RGS6: variants seen among roughly 807,000 people sequenced by gnomAD.
The protein encoded by RGS6 is regulator of G-protein signaling 6.
Under a neutral mutation model 78.5 loss-of-function variants are expected in RGS6, and 30 were observed. That is an observed-to-expected ratio of 0.38 (90% confidence interval 0.29 to 0.52). RGS6 has a LOEUF of 0.52. Ranked by LOEUF, RGS6 falls within the 20% of genes least tolerant of loss-of-function variation. RGS6 has a pLI of 0.85. For synonymous variants in RGS6, 206 were observed against 206.0 expected, an observed-to-expected ratio of 1.00 and a Z score of 0.00; for missense variants, 495 against 609.7, an observed-to-expected ratio of 0.81 and a Z score of 1.98.
chr14:72,200,150 G>A (rs746501670), intron 2 of RGS6, among the ~76,000 whole-genome samples: 3 of 152,286 alleles, frequency 2.0e-5, no homozygotes, highest in Admixed American at 2.0e-4. Flanking sequence ...GGAAGATTCC[G>A]TGATTTCTCT....
chr14:72,390,546 T>A (rs889971654), intron 3 of RGS6, among the ~76,000 whole-genome samples: 1 of 152,180 alleles, frequency 6.6e-6, no homozygotes, highest in Non-Finnish European at 1.5e-5. Context: ...AATTGTAAAT[T>A]TTAATTCTCA....
chr14:72,046,249 A>G (rs2153395912), intron 2 of RGS6, among the ~76,000 whole-genome samples: 1 of 146,710 alleles, frequency 6.8e-6, no homozygotes, highest in African/African-American at 2.5e-5. Context: ...TTTAATGTTG[A>G]AATTTCTGTT....
chr14:72,013,158 C>G (rs1477243043), intron 2 of RGS6, among the ~76,000 whole-genome samples: 1 of 149,802 alleles, frequency 6.7e-6, no homozygotes. Flanking sequence ...GTAATGCCAA[C>G]TACTCGGGAG....
chr14:72,536,173 C>T lies in RGS6; in HGVS notation c.1279-13C>T, dbSNP rs780202159. ...AGCCCTTCCTTGTGTCTCCTTGTCA[C>T]CTTCCTCCCCAGGAGCACATCTACA... On this transcript the variant is annotated splice_polypyrimidine_tract_variant and intron_variant, in intron 15 of 17. Coordinates refer to ENST00000553525, the MANE Select transcript of RGS6 (RefSeq NM_001204424.2). 3 of 1,605,780 alleles carry T rather than the reference C, an allele frequency of 1.9e-6. No homozygotes were observed. The African/African-American group carries it at 4.0e-5, about 21-fold the overall frequency.
intron 17 of RGS6, 67 bp downstream of exon 17, chr14:72,540,161 T>C (rs779716643): frequency 6.6e-7 from 1 of 1,517,208 alleles, no homozygotes; most frequent in Non-Finnish European, 8.8e-7. Context: ...CTTCTTCTTT[T>C]TTTTTTTTTT....
At chr14:72,210,476 CAT>C (rs896257653) in intron 2 of RGS6, among the ~76,000 whole-genome samples, 1 of 152,146 alleles carries the variant, frequency 6.6e-6, no homozygotes, top group Non-Finnish European at 1.5e-5. Flanking sequence ...GGTGAGAAGT[CAT>C]TGAGGAAAAT....
At chr14:71,980,835 T>C (rs2094412930) in intron 2 of RGS6, among the ~76,000 whole-genome samples, 1 of 97,906 alleles carries the variant, frequency 1.0e-5, no homozygotes, top group Non-Finnish European at 2.1e-5. Flanking sequence ...GAAGTTCTCC[T>C]GGATAATATC....
intron 2 of RGS6, among the ~76,000 whole-genome samples, chr14:72,013,480 A>G (rs541070432): frequency 7.9e-5 from 12 of 151,144 alleles, no homozygotes; most frequent in African/African-American, 3.0e-4. Flanking sequence ...GGAGTCCTTC[A>G]GTAGGCAGAT....
At chr14:72,057,872 A>T (rs2153428831) in intron 2 of RGS6, among the ~76,000 whole-genome samples, 1 of 152,270 alleles carries the variant, frequency 6.6e-6, no homozygotes, top group East Asian at 1.9e-4. Context: ...CTGGCTTGGC[A>T]ATCAATGCCG....
chr14:71,898,681 C>CCG, the RGS6 span, among the ~76,000 whole-genome samples: 2 of 152,072 alleles, frequency 1.3e-5, no homozygotes, highest in East Asian at 3.9e-4. Flanking sequence ...CCCACCCCCC[C>CCG]GACAGGCCCC....
intron 2 of RGS6, among the ~76,000 whole-genome samples, chr14:72,069,818 G>A (rs1027720748): frequency 3.3e-5 from 5 of 152,290 alleles, no homozygotes; most frequent in African/African-American, 1.2e-4. Context: ...GGGATTACAG[G>A]TGTGGGCCAC....
At chr14:72,325,630 T>C (rs2073528839) in intron 2 of RGS6, among the ~76,000 whole-genome samples, 1 of 152,178 alleles carries the variant, frequency 6.6e-6, no homozygotes, top group African/African-American at 2.4e-5. Flanking sequence ...CCATTTCTTA[T>C]TTTTGTCAGT....
At chr14:72,348,971 C>T (rs1176048806) in intron 2 of RGS6, among the ~76,000 whole-genome samples, 3 of 151,940 alleles carry the variant, frequency 2.0e-5, no homozygotes, top group East Asian at 1.9e-4. Context: ...TCGAGACCAT[C>T]CTGGCTAACA....
chr14:72,539,915 T>C, intron 16 of RGS6, 126 bp from the exon 17 acceptor site: 1 of 759,294 alleles, frequency 1.3e-6, no homozygotes, highest in Non-Finnish European at 2.1e-6. Flanking sequence ...TTCCCATTTT[T>C]CGCCCCATTT....
intron 2 of RGS6, among the ~76,000 whole-genome samples, chr14:72,081,384 G>C (rs997980632): frequency 2.6e-5 from 4 of 151,950 alleles, no homozygotes; most frequent in Admixed American, 2.0e-4. Flanking sequence ...GATCTTTTCT[G>C]TTTACTTTTT....
chr14:72,200,958 G>C (rs1386197554), intron 2 of RGS6, among the ~76,000 whole-genome samples: 1 of 75,674 alleles, frequency 1.3e-5, no homozygotes, highest in Non-Finnish European at 2.5e-5. Flanking sequence ...AATGTGCTCT[G>C]CTTAAAAAAA....
chr14:72,142,730 C>A (rs1198091603), intron 2 of RGS6, among the ~76,000 whole-genome samples: 2 of 152,188 alleles, frequency 1.3e-5, no homozygotes, highest in Non-Finnish European at 2.9e-5. Flanking sequence ...AACCAATTTA[C>A]AACATTTAAT....
intron 14 of RGS6, chr14:72,511,752 A>T (rs1199246211): frequency 6.6e-6 from 1 of 152,236 alleles, no homozygotes; most frequent in Admixed American, 6.5e-5. Context: ...GGACACGTAG[A>T]TGCCGACTAG....
intron 2 of RGS6, among the ~76,000 whole-genome samples, chr14:72,221,576 C>A (rs1440893109): frequency 1.3e-5 from 2 of 152,154 alleles, no homozygotes; most frequent in African/African-American, 4.8e-5. Flanking sequence ...CATTTTTAAA[C>A]CCCTGAACAA....
Sources: gnomAD v4.1 joint callset for allele counts (sites outside exome capture counted in the v4.1 genomes callset) on GRCh38, gnomAD v4.1.1 for gene constraint, MANE v1.5 for transcripts, NCBI Gene and HGNC (gene_info 2026-07-23, HGNC 2026-07-21) for gene names.